Variants in RBFOX1 observed in about 807,000 individuals in gnomAD.
RBFOX1 encodes RNA binding fox-1 homolog 1.
In RBFOX1, 8 loss-of-function variants were observed where a neutral mutation model predicts 57.7. That is an observed-to-expected ratio of 0.14 (90% CI 0.08 to 0.25). The LOEUF is 0.25. Ranked by LOEUF, RBFOX1 falls within the 10% of genes least tolerant of loss-of-function variation. The pLI, the probability that RBFOX1 is intolerant of heterozygous loss-of-function variation, is 1.00. For synonymous variants in RBFOX1, 326 were observed against 222.4 expected (o/e 1.47, Z -4.15); for missense variants, 611 against 548.5 (o/e 1.11, Z -1.14).
At chr16:5,317,013 C>A (rs2064259041) in intron 1 of RBFOX1, among the ~76,000 whole-genome samples, 1 of 152,162 alleles carries the variant, frequency 6.6e-6, no homozygotes, top group Admixed American at 6.5e-5. Context: ...GATTTCAGAA[C>A]TCCAGGTTCT....
intron 1 of RBFOX1, among the ~76,000 whole-genome samples, chr16:5,444,751 C>T (rs561227928): frequency 1.3e-5 from 2 of 152,296 alleles, no homozygotes; most frequent in East Asian, 3.9e-4. Flanking sequence ...TTTCTGTGTG[C>T]CAGGCACTGT....
At chr16:6,828,847 G>A (rs2092451464) in intron 3 of RBFOX1, among the ~76,000 whole-genome samples, 1 of 152,110 alleles carries the variant, frequency 6.6e-6, no homozygotes, top group South Asian at 2.1e-4. Flanking sequence ...CCCTTTCCCA[G>A]GAATTTTCAT....
At chr16:7,190,775 G>A (rs570431136) in intron 4 of RBFOX1, among the ~76,000 whole-genome samples, 11 of 152,258 alleles carry the variant, frequency 7.2e-5, no homozygotes, top group Admixed American at 1.3e-4. Context: ...TCGGGTTTAT[G>A]GCATTGCTCA....
intron 2 of RBFOX1, among the ~76,000 whole-genome samples, chr16:5,545,813 T>G (rs1444184899): frequency 6.6e-6 from 1 of 152,172 alleles, no homozygotes; most frequent in Non-Finnish European, 1.5e-5. Context: ...TTTTTCACAC[T>G]GTAGTGGAAT....
At chr16:5,718,929 T>C (rs1596945452) in intron 3 of RBFOX1, among the ~76,000 whole-genome samples, 2 of 150,638 alleles carry the variant, frequency 1.3e-5, no homozygotes, top group Middle Eastern at 3.4e-3. Context: ...AATGAATGAA[T>C]GAATGAATGA....
intron 1 of RBFOX1, among the ~76,000 whole-genome samples, chr16:5,280,032 C>G (rs765994055): frequency 6.6e-6 from 1 of 152,242 alleles, no homozygotes; most frequent in African/African-American, 2.4e-5. Context: ...AGAGGAAAGG[C>G]TTTTCAATTT....
At chr16:7,073,693 A>T (rs2057782200) in intron 4 of RBFOX1, among the ~76,000 whole-genome samples, 1 of 151,956 alleles carries the variant, frequency 6.6e-6, no homozygotes, top group East Asian at 1.9e-4. Flanking sequence ...AATAATAAAA[A>T]AAAATATATA....
intron 4 of RBFOX1, among the ~76,000 whole-genome samples, chr16:7,065,700 A>G (rs552293211): frequency 1.3e-5 from 2 of 152,260 alleles, no homozygotes; most frequent in Admixed American, 6.5e-5. Flanking sequence ...TGGGGAATAT[A>G]ATACGCTGTG....
intron 4 of RBFOX1, among the ~76,000 whole-genome samples, chr16:5,968,840 A>T (rs79939796): frequency 6.6e-6 from 1 of 151,848 alleles, no homozygotes; most frequent in Non-Finnish European, 1.5e-5. Flanking sequence ...TCTTATCTCT[A>T]TTTTACCCAT....
intron 6 of RBFOX1, among the ~76,000 whole-genome samples, chr16:7,580,513 G>T (rs899126246): frequency 6.6e-6 from 1 of 152,078 alleles, no homozygotes; most frequent in African/African-American, 2.4e-5. Flanking sequence ...ACGTTCTTCT[G>T]AAATCAGTGA....
intron 4 of RBFOX1, among the ~76,000 whole-genome samples, chr16:7,401,676 G>A (rs867671467): frequency 6.6e-6 from 1 of 152,178 alleles, no homozygotes; most frequent in South Asian, 2.1e-4. Context: ...GAGGAAAACA[G>A]TGTCTTTGTT....
At chr16:6,193,406 A>ACTATATATG (rs1278263472) in intron 1 of RBFOX1, among the ~76,000 whole-genome samples, 10 of 107,612 alleles carry the variant, frequency 9.3e-5, no homozygotes, top group Admixed American at 4.2e-4. Context: ...ATATATATAT[A>ACTATATATG]TATATATATA....
At chr16:7,607,977 A>G (rs943474568) in intron 10 of RBFOX1, among the ~76,000 whole-genome samples, 2 of 152,040 alleles carry the variant, frequency 1.3e-5, no homozygotes, top group Non-Finnish European at 2.9e-5. Context: ...GGAGAGCATA[A>G]CCCAGAAGCA....
chr16:6,567,576 T>C (rs1005646022), intron 2 of RBFOX1, among the ~76,000 whole-genome samples: 1 of 152,188 alleles, frequency 6.6e-6, no homozygotes, highest in African/African-American at 2.4e-5. Flanking sequence ...TGTGTCTGCT[T>C]GTTCTCAGTC....
In RBFOX1 at chr16:5,587,450, C is replaced by A. The variant is rs775491447; in HGVS notation, c.259-11452C>A. On this transcript the variant is annotated intron_variant, in intron 2 of 2. Transcript: ENST00000585867. Reference sequence around the variant, plus strand: ...TAATTGGGCCTGGTGCGGTCGCTCACGCCTGTCATCCCAGCACTTTGGGAG... The same window carrying A: ...TAATTGGGCCTGGTGCGGTCGCTCAAGCCTGTCATCCCAGCACTTTGGGAG... Among the ~76,000 whole-genome samples the A allele has an allele frequency of 2.0e-5, 3 of 152,196 alleles. 1 individual carries two copies. The highest frequency in any genetic ancestry group is 4.4e-5 in the Non-Finnish European group (3 of 68,040).
intron 3 of RBFOX1, among the ~76,000 whole-genome samples, chr16:5,711,417 C>A (rs949286777): frequency 6.6e-6 from 1 of 152,178 alleles, no homozygotes; most frequent in African/African-American, 2.4e-5. Flanking sequence ...ATTCAGGATA[C>A]CACCTTTCAG....
At chr16:6,790,827 A>T (rs2082799499) in intron 3 of RBFOX1, among the ~76,000 whole-genome samples, 1 of 152,282 alleles carries the variant, frequency 6.6e-6, no homozygotes, top group Admixed American at 6.5e-5. Flanking sequence ...TTTTCAAATC[A>T]CAGTTATTTA....
chr16:7,018,146 G>A (rs1320984663), intron 3 of RBFOX1, among the ~76,000 whole-genome samples: 1 of 152,106 alleles, frequency 6.6e-6, no homozygotes, highest in Non-Finnish European at 1.5e-5. Flanking sequence ...CTGGAAATCT[G>A]TCTTAAGCCC....
chr16:5,365,256 T>C (rs2065678274), intron 1 of RBFOX1, among the ~76,000 whole-genome samples: 1 of 152,282 alleles, frequency 6.6e-6, no homozygotes, highest in South Asian at 2.1e-4. Flanking sequence ...CAAAATTTAA[T>C]GTTGATCAAC....
Sources: allele counts gnomAD v4.1 joint callset (sites outside exome capture counted in the v4.1 genomes callset), GRCh38; gene constraint gnomAD v4.1.1; transcripts MANE v1.5; gene names NCBI Gene and HGNC (gene_info 2026-07-23, HGNC 2026-07-21).